Variants in SLC25A53 observed in about 807,000 individuals in gnomAD.
SLC25A53 encodes mitochondrial carrier triple repeat protein 6.
Under a neutral mutation model 15.0 loss-of-function variants are expected in SLC25A53, and 5 were observed. That is an observed-to-expected ratio of 0.33 (90% CI 0.17 to 0.70). SLC25A53 has a LOEUF of 0.70. Among genes scored for constraint, SLC25A53 ranks in the 30% least tolerant of loss-of-function variants. The pLI, the probability that SLC25A53 is intolerant of heterozygous loss-of-function variation, is 0.67. For synonymous variants in SLC25A53, 95 were observed against 100.0 expected (o/e 0.95, Z 0.30); for missense variants, 216 against 241.6 (o/e 0.89, Z 0.70).
In SLC25A53 at chrX:104,103,138, CA is replaced by C. The variant is rs539051426; in HGVS notation, c.*1195del. On this transcript the variant is annotated 3_prime_UTR_variant, in exon 2 of 2. Coordinates refer to ENST00000594199, the MANE Select transcript of SLC25A53 (RefSeq NM_001012755.5). ...GGGCAACAAGAGCGAAACTCCGTCTCAAAAAAAAAAAAAAGAAAGGGGCATC... is the reference window on the plus strand; with the variant it reads ...GGGCAACAAGAGCGAAACTCCGTCTCAAAAAAAAAAAAAGAAAGGGGCATC... 1.9e-3 allele frequency: 135 copies of C among 71,160 alleles called. No individual in the cohort carries two copies. Among genetic ancestry groups the C allele is most frequent in the Admixed American group, 2.0e-3 (11 of 5,628 alleles). The allele number at this position is 71,160 out of a possible 1,213,427, so 5.9% of individuals were successfully genotyped here. A position where few individuals can be genotyped will look rare whatever the true frequency, so the allele number is the denominator to read the frequency against.
chrX:104,139,219 T>C (rs2075444592), intron 1 of SLC25A53, among the ~76,000 whole-genome samples: 1 of 110,182 alleles, frequency 9.1e-6, no homozygotes, highest in South Asian at 3.8e-4. Flanking sequence ...TAAGACCCTG[T>C]CTCAAAAATA....
intron 1 of SLC25A53, among the ~76,000 whole-genome samples, chrX:104,116,365 A>G (rs1369948351): frequency 1.8e-5 from 2 of 111,242 alleles, no homozygotes; most frequent in African/African-American, 6.6e-5. Context: ...GTGGAGTGAA[A>G]TGAATGCAGA....
intron 1 of SLC25A53, among the ~76,000 whole-genome samples, chrX:104,110,534 G>A (rs782301668): frequency 3.6e-4 from 40 of 112,424 alleles, no homozygotes; most frequent in Admixed American, 5.6e-4. Context: ...CAACAGCAGC[G>A]GAAGGGCATC....
At chrX:104,129,860 A>ATG (rs60729916) in intron 1 of SLC25A53, among the ~76,000 whole-genome samples, 2,424 of 89,927 alleles carry the variant, frequency 0.027, 37 homozygotes, top group East Asian at 0.046. Context: ...ACACAAATGT[A>ATG]TGTGTGTGTG....
rs1354011792 is a variant in SLC25A53 at position 104,101,082 on chromosome X, G to C, written c.*3252C>G. 4 of 112,198 alleles carry C rather than the reference G, an allele frequency of 3.6e-5. No individual in the cohort carries two copies. The highest frequency in any genetic ancestry group is 1.3e-4 in the African/African-American group (4 of 30,795). 9.2% of individuals were successfully genotyped at this position (112,198 alleles called of 1,213,427 possible). Reference sequence around the variant, plus strand: ...ATGACCCCTTCTTTGGGTTTAATTTGCCAGAAAGGGTCACAGAACTTGGGG... The same window carrying C: ...ATGACCCCTTCTTTGGGTTTAATTTCCCAGAAAGGGTCACAGAACTTGGGG... On this transcript the variant is annotated 3_prime_UTR_variant, in exon 2 of 2. Coordinates refer to ENST00000594199, the MANE Select transcript of SLC25A53 (RefSeq NM_001012755.5).
At chrX:104,148,311 G>A (rs1556369625) in intron 1 of SLC25A53, among the ~76,000 whole-genome samples, 1 of 109,213 alleles carries the variant, frequency 9.2e-6, no homozygotes, top group African/African-American at 3.3e-5. Context: ...TAGGGTGGGA[G>A]GAGGGGGGAG....
chrX:104,146,874 A>T (rs368284712), intron 1 of SLC25A53, among the ~76,000 whole-genome samples: 5 of 110,393 alleles, frequency 4.5e-5, no homozygotes, highest in Non-Finnish European at 7.6e-5. Context: ...ATGGCCATAC[A>T]GCCCAAGGTA....
chrX:104,107,182 T>C (rs1228628384), intron 1 of SLC25A53, among the ~76,000 whole-genome samples: 3 of 111,094 alleles, frequency 2.7e-5, no homozygotes, highest in African/African-American at 9.9e-5. Flanking sequence ...CTCCATCCAT[T>C]TTCTCACAAT....
chrX:104,115,687 A>G (rs2075374245), intron 1 of SLC25A53: 1 of 179,280 alleles, frequency 5.6e-6, no homozygotes, highest in Non-Finnish European at 1.1e-5. Context: ...CCCTTTGGTG[A>G]ATGTCCTTCC....
intron 1 of SLC25A53, among the ~76,000 whole-genome samples, chrX:104,126,876 A>G (rs1408550123): frequency 8.9e-6 from 1 of 112,284 alleles, no homozygotes; most frequent in Admixed American, 9.4e-5. Flanking sequence ...AGGATGTAGA[A>G]AAAATGGATC....
chrX:104,153,196 T>G (rs1251690881), intron 1 of SLC25A53, among the ~76,000 whole-genome samples: 2 of 111,064 alleles, frequency 1.8e-5, no homozygotes, highest in African/African-American at 6.6e-5. Context: ...CGTTAGGCAA[T>G]TTCATTGTGA....
At chrX:104,113,464 C>A (rs782085614) in intron 1 of SLC25A53, 1 of 111,210 alleles carries the variant, frequency 9.0e-6, no homozygotes, top group Non-Finnish European at 1.9e-5. Flanking sequence ...GGATCTGCGA[C>A]ACCCAGTGGA....
At chrX:104,111,547 C>G (rs1220992138) in intron 1 of SLC25A53, among the ~76,000 whole-genome samples, 14 of 110,701 alleles carry the variant, frequency 1.3e-4, no homozygotes, top group African/African-American at 4.6e-4. Flanking sequence ...AAGAAAAGTA[C>G]CAAGAAGAGT....
intron 1 of SLC25A53, among the ~76,000 whole-genome samples, chrX:104,122,160 T>C (rs2075396524): frequency 9.3e-6 from 1 of 107,049 alleles, no homozygotes; most frequent in Non-Finnish European, 1.9e-5. Context: ...ATTCACCATT[T>C]TGACCATTTT....
intron 1 of SLC25A53, among the ~76,000 whole-genome samples, chrX:104,143,332 T>C (rs1027876987): frequency 1.8e-5 from 2 of 111,688 alleles, no homozygotes; most frequent in Non-Finnish European, 1.9e-5. Flanking sequence ...TCTAACCCAA[T>C]GCAAGGAAGC....
chrX:104,143,549 G>A (rs1255176606), intron 1 of SLC25A53, among the ~76,000 whole-genome samples: 1 of 111,710 alleles, frequency 9.0e-6, no homozygotes, highest in African/African-American at 3.3e-5. Context: ...GACAAGATTA[G>A]AGAAAAAAGA....
intron 1 of SLC25A53, among the ~76,000 whole-genome samples, chrX:104,120,539 T>C (rs2075390319): frequency 1.8e-5 from 2 of 111,368 alleles, no homozygotes; most frequent in African/African-American, 6.7e-5. Context: ...CTTTTGATGT[T>C]GATATTGTAC....
At chrX:104,117,088 A>G (rs929807133) in intron 1 of SLC25A53, among the ~76,000 whole-genome samples, 4 of 84,706 alleles carry the variant, frequency 4.7e-5, no homozygotes, top group Admixed American at 1.6e-4. Context: ...CTCCATCTGT[A>G]TCCTCAGTCT....
intron 1 of SLC25A53, among the ~76,000 whole-genome samples, chrX:104,105,495 G>A (rs1249890237): frequency 8.9e-6 from 1 of 112,191 alleles, no homozygotes; most frequent in Admixed American, 9.4e-5. Context: ...AGTTTTTCTG[G>A]ACAGAGCCAC....
Sources: gnomAD v4.1 joint callset for allele counts (sites outside exome capture counted in the v4.1 genomes callset) on GRCh38, gnomAD v4.1.1 for gene constraint, MANE v1.5 for transcripts, NCBI Gene and HGNC (gene_info 2026-07-23, HGNC 2026-07-21) for gene names.